Variants in CPM observed in about 807,000 individuals in gnomAD.
The protein encoded by CPM is renal carboxypeptidase.
Under a neutral mutation model 46.4 loss-of-function variants are expected in CPM, and 35 were observed. The observed-to-expected ratio is 0.75, with a 90% confidence interval of 0.58 to 1.00. The LOEUF is 1.00. Ranked by LOEUF, CPM falls within the 50% of genes least tolerant of loss-of-function variation. CPM has a pLI of 0.00. For synonymous variants in CPM, 195 were observed against 195.3 expected (o/e 1.00, Z 0.01); for missense variants, 422 against 530.4 (o/e 0.80, Z 2.01).
At chr12:68,871,706 TGCCAA>T in intron 4 of CPM, 73 bp downstream of exon 4, 1 of 1,499,898 alleles carries the variant, frequency 6.7e-7, no homozygotes, top group South Asian at 1.2e-5. Context: ...CATCTCCTCT[TGCCAA>T]GGCCAACAGG....
intron 1 of CPM, among the ~76,000 whole-genome samples, chr12:68,959,886 T>C (rs1022793990): frequency 6.6e-6 from 1 of 152,206 alleles, no homozygotes; most frequent in Non-Finnish European, 1.5e-5. Flanking sequence ...TCTCCCAAAA[T>C]CAGTTTACTT....
chr12:68,916,495 T>C (rs1887809855), intron 2 of CPM, among the ~76,000 whole-genome samples: 1 of 152,258 alleles, frequency 6.6e-6, no homozygotes, highest in South Asian at 2.1e-4. Context: ...TTTTACACAC[T>C]TAATATTACA....
rs920938928 is a variant in CPM, at chr12:68,933,166, C to T, written c.-28G>A. The T allele has an allele frequency of 1.2e-5, 2 of 173,680 alleles. No individual in the cohort carries two copies. The highest frequency in any genetic ancestry group is 1.6e-4 in the East Asian group (1 of 6,168). The allele number at this position is 173,680 out of a possible 1,614,324, so 10.8% of individuals were successfully genotyped here. On this transcript the variant is annotated 5_prime_UTR_variant, in exon 1 of 9. Transcript: ENST00000551568. The stretch of plus-strand genomic sequence containing the variant: ...CCAGGTCCCAGGCGCGCACCTCTAC[C>T]CACCCGCGGCCGCCCGGCGGGGCCG...
At chr12:68,909,935 T>C (rs939894913) in intron 2 of CPM, among the ~76,000 whole-genome samples, 4 of 151,676 alleles carry the variant, frequency 2.6e-5, no homozygotes, top group African/African-American at 7.3e-5. Flanking sequence ...TGTATACCTA[T>C]GTAACAAACC....
chr12:68,896,042 C>T, intron 2 of CPM, among the ~76,000 whole-genome samples: 1 of 152,202 alleles, frequency 6.6e-6, no homozygotes, highest in Non-Finnish European at 1.5e-5. Flanking sequence ...GATCTGTCTT[C>T]TTCCTGCCTT....
intron 1 of CPM, among the ~76,000 whole-genome samples, chr12:68,944,030 T>C (rs1309880843): frequency 6.6e-6 from 1 of 152,206 alleles, no homozygotes; most frequent in Non-Finnish European, 1.5e-5. Flanking sequence ...TAATAATTTG[T>C]AAGTTCATCT....
chr12:68,905,018 C>A (rs189421103), intron 2 of CPM, among the ~76,000 whole-genome samples: 131 of 152,210 alleles, frequency 8.6e-4, no homozygotes, highest in African/African-American at 3.0e-3. Flanking sequence ...AAGCAATTCT[C>A]CTGCCTCAGC....
At chr12:68,847,455 T>TC (rs552956907), downstream of CPM, 8 of 113,438 alleles carry the variant, frequency 7.1e-5, no homozygotes, top group Non-Finnish European at 1.1e-4. Flanking sequence ...CTCCTTTCTT[T>TC]TTTTTTTTTT....
chr12:68,962,123 C>T (rs375931100), intron 1 of CPM, among the ~76,000 whole-genome samples: 1 of 150,238 alleles, frequency 6.7e-6, no homozygotes, highest in African/African-American at 2.5e-5. Context: ...TGGCGTGAAC[C>T]TGGGAGGCGG....
intron 3 of CPM, among the ~76,000 whole-genome samples, chr12:68,875,207 C>T (rs180920466): frequency 1.6e-4 from 24 of 151,848 alleles, no homozygotes; most frequent in African/African-American, 4.8e-4. Flanking sequence ...AAAAATTAGC[C>T]GGGCATGGTG....
At chr12:68,877,313 G>A (rs1886002135) in intron 3 of CPM, among the ~76,000 whole-genome samples, 1 of 152,166 alleles carries the variant, frequency 6.6e-6, no homozygotes, top group South Asian at 2.1e-4. Flanking sequence ...GGTGTAGCTT[G>A]TCCAGCTCCT....
rs1884734426 is a variant in CPM at position 68,852,312 on chromosome 12, C to T, written c.*4125G>A. ...TTAGATTCAATCATGTCAACATTTA[C>T]CAACATTTGAGTAGGTATACTCTTT... On this transcript the variant is annotated 3_prime_UTR_variant, in exon 9 of 9. Transcript: ENST00000551568. 6.6e-6 allele frequency: 1 copy of T among 152,276 alleles called. No homozygotes were observed. Among genetic ancestry groups the T allele is most frequent in the East Asian group, 1.9e-4 (1 of 5,182 alleles). The allele number at this position is 152,276 out of a possible 1,614,324, so 9.4% of individuals were successfully genotyped here. A position where few individuals can be genotyped will look rare whatever the true frequency, so the allele number is the denominator to read the frequency against.
At position 68,870,281 on chromosome 12, in the gene CPM, C is replaced by T. The variant is rs751187379; in HGVS notation, c.550G>A (p.Val184Ile). Reference sequence around the variant, plus strand: ...CCACCATGGAGGTTTGCAGAGAGGACAAACGTCTCTGTTTTCAGCCACTTC... The same window carrying T: ...CCACCATGGAGGTTTGCAGAGAGGATAAACGTCTCTGTTTTCAGCCACTTC... Reference protein sequence around the residue: ...VMKWLKTETFVLSANLHGGAL... With the variant: ...VMKWLKTETFILSANLHGGAL... The change falls in exon 5 of 9, where the codon GTC (valine) becomes ATC (isoleucine). Residue 184 changes from valine (V) to isoleucine (I), a missense_variant. By Grantham distance (29) the Val-to-Ile change is conservative. Transcript: ENST00000551568. 89 of 1,614,102 alleles carry T rather than the reference C, an allele frequency of 5.5e-5. No homozygotes were observed. The highest frequency in any genetic ancestry group is 6.9e-5 in the Non-Finnish European group (82 of 1,180,034).
chr12:68,850,398 T>G (rs2136203118), downstream of CPM: 1 of 152,194 alleles, frequency 6.6e-6, no homozygotes, highest in African/African-American at 2.4e-5. Flanking sequence ...ACAGAGAAAC[T>G]ATTTCCTGTT....
chr12:68,845,872 T>A (rs1884252153), intron 5 of CPM: 1 of 152,470 alleles, frequency 6.6e-6, no homozygotes. Flanking sequence ...CAAGCAATCC[T>A]CCCACCTCAG....
chr12:68,939,614 T>TA (rs1888730107), intron 1 of CPM, among the ~76,000 whole-genome samples: 1 of 152,052 alleles, frequency 6.6e-6, no homozygotes, highest in African/African-American at 2.4e-5. Flanking sequence ...TTTACAGTTG[T>TA]AAAATGTGCA....
chr12:68,867,618 C>T (rs1375285716), intron 6 of CPM, among the ~76,000 whole-genome samples: 1 of 152,180 alleles, frequency 6.6e-6, no homozygotes, highest in African/African-American at 2.4e-5. Context: ...AAGAAAAGTG[C>T]TCAGGGGTTT....
intron 1 of CPM, among the ~76,000 whole-genome samples, chr12:68,950,489 G>A (rs1359655602): frequency 6.6e-6 from 1 of 152,086 alleles, no homozygotes; most frequent in East Asian, 1.9e-4. Context: ...TTTTTTCCCA[G>A]CATGGTTGTG....
intron 2 of CPM, among the ~76,000 whole-genome samples, chr12:68,896,888 T>G (rs1886895194): frequency 6.6e-6 from 1 of 151,924 alleles, no homozygotes; most frequent in Non-Finnish European, 1.5e-5. Context: ...AGTTCCTAAA[T>G]TAGGGACAGT....
Sources: allele counts gnomAD v4.1 joint callset (sites outside exome capture counted in the v4.1 genomes callset), GRCh38; gene constraint gnomAD v4.1.1; transcripts MANE v1.5; gene names NCBI Gene and HGNC (gene_info 2026-07-23, HGNC 2026-07-21).